The following ASB11 variants were observed in gnomAD, a reference collection of about 807,000 sequenced individuals.
The protein encoded by ASB11 is ankyrin repeat and SOCS box containing 11, also known as ankyrin repeat and SOCS box protein 11.
In ASB11, 17 loss-of-function variants were observed where a neutral mutation model predicts 20.1. The ratio of observed to expected loss-of-function variants is 0.85; its 90% CI spans 0.58 to 1.27. The LOEUF (loss-of-function observed/expected upper bound fraction) is 1.27, where lower values mean the gene tolerates loss of function less well. ASB11 is among the 50% of genes most tolerant of loss of function. The pLI is 0.00. For missense variants in ASB11, 259 were observed against 256.9 expected, an observed-to-expected ratio of 1.01 and a Z score of -0.06; for synonymous variants, 107 against 105.6, an observed-to-expected ratio of 1.01 and a Z score of -0.08.
intron 1 of ASB11, chrX:15,314,401 A>G: frequency 8.4e-7 from 1 of 1,195,531 alleles, no homozygotes. Context: ...ATAATCCCCA[A>G]AAGAAATCTC....
intron 1 of ASB11, among the ~76,000 whole-genome samples, chrX:15,308,497 GA>G (rs1921316583): frequency 8.9e-6 from 1 of 111,840 alleles, no homozygotes. Flanking sequence ...TCCAACTTGA[GA>G]GTGAAATTCC....
At chrX:15,297,549 C>A in intron 3 of ASB11, 25 bp downstream of exon 3, 1 of 1,116,362 alleles carries the variant, frequency 9.0e-7, no homozygotes, top group Non-Finnish European at 1.2e-6. Context: ...CCAGACAGAC[C>A]CAAGTGGGCA....
chrX:15,297,530 T>C (rs1920978385), intron 3 of ASB11, 44 bp downstream of exon 3: 2 of 1,012,038 alleles, frequency 2.0e-6, no homozygotes, highest in Non-Finnish European at 2.7e-6. Context: ...CATTAACAGA[T>C]GCATCTGGCC....
At chrX:15,305,576 T>C (rs1364590977) in intron 1 of ASB11, among the ~76,000 whole-genome samples, 2 of 98,760 alleles carry the variant, frequency 2.0e-5, no homozygotes, top group African/African-American at 7.5e-5. Flanking sequence ...TTTCCAAACA[T>C]TTTAACAAGA....
Position 15,296,543 on chromosome X carries a change from G to A in ASB11, c.369+1031C>T, listed in dbSNP as rs1920966790. Among the ~76,000 whole-genome samples, 3 of 111,656 alleles carry A rather than the reference G, an allele frequency of 2.7e-5. No homozygotes were observed. The Admixed American group carries it at 2.9e-4, about 11-fold the overall frequency. ...ATTTTATGATTCTATTCTGATATCTGTATTATATATTGCACCTCAGTCACC... is the reference window on the plus strand; with the variant it reads ...ATTTTATGATTCTATTCTGATATCTATATTATATATTGCACCTCAGTCACC... On this transcript the variant is annotated intron_variant, in intron 3 of 6. Transcript: ENST00000480796.
chrX:15,315,463 G>A lies in ASB11; in HGVS notation c.143C>T (p.Ala48Val), dbSNP rs755412962. ...ATAGATCTCTTCTGCTATCCTAGCC[G>A]CTTCTTTTCTATTTCCTTTGACGAT... ...FYIVKGNRKE[A>V]ARIAEEIYGG... is the part of the protein sequence containing the mutation. The change falls in exon 1 of 7, where the codon GCG (alanine) becomes GTG (valine). Residue 48 changes from alanine to valine, a missense_variant. Physicochemically the swap from Ala to Val is moderately conservative, Grantham distance 64. Coordinates refer to ENST00000480796, the MANE Select transcript of ASB11 (RefSeq NM_080873.3). The A allele has an allele frequency of 2.6e-6, 3 of 1,149,162 alleles. No homozygotes were observed. The highest frequency in any genetic ancestry group is 2.3e-6 in the Non-Finnish European group (2 of 868,379). 94.7% of individuals were successfully genotyped at this position (1,149,162 alleles called of 1,213,427 possible).
At chrX:15,299,874 C>T (rs188931388) in intron 2 of ASB11, among the ~76,000 whole-genome samples, 17 of 111,626 alleles carry the variant, frequency 1.5e-4, no homozygotes, top group African/African-American at 5.5e-4. Flanking sequence ...GAACCCCGAA[C>T]TCCTACTTAC....
At chrX:15,287,231 C>T (rs754547161) in intron 6 of ASB11, among the ~76,000 whole-genome samples, 11 of 112,918 alleles carry the variant, frequency 9.7e-5, no homozygotes, top group Admixed American at 1.9e-4. Flanking sequence ...CAGATTGTCT[C>T]CCAATATTAC....
intron 6 of ASB11, among the ~76,000 whole-genome samples, chrX:15,284,023 T>G (rs113419621): frequency 9.2e-6 from 1 of 109,076 alleles, no homozygotes; most frequent in Non-Finnish European, 1.9e-5. Context: ...GAGGCCAAGG[T>G]GGGCGGATCA....
intron 6 of ASB11, 46 bp downstream of exon 6, chrX:15,287,835 G>A (rs977151570): frequency 1.4e-5 from 16 of 1,136,581 alleles, no homozygotes; most frequent in Admixed American, 2.6e-5. Context: ...AGGAAGGGGA[G>A]AGAATGTGCT....
At chrX:15,309,563 C>T (rs369472683) in intron 1 of ASB11, among the ~76,000 whole-genome samples, 8 of 110,899 alleles carry the variant, frequency 7.2e-5, no homozygotes, top group African/African-American at 2.6e-4. Context: ...CATCCCCCCA[C>T]ACCCTGGTCC....
intron 6 of ASB11, among the ~76,000 whole-genome samples, chrX:15,286,663 C>CAAAAAAAAAAAAAA (rs764801887): frequency 5.5e-5 from 3 of 54,408 alleles, no homozygotes; most frequent in African/African-American, 2.3e-4. Flanking sequence ...GACTCCATCT[C>CAAAAAAAAAAAAAA]AAAAAAAAAA....
chrX:15,309,836 C>T (rs372476532), intron 1 of ASB11, among the ~76,000 whole-genome samples: 8 of 107,819 alleles, frequency 7.4e-5, no homozygotes, highest in African/African-American at 2.7e-4. Context: ...GGCGTGGTGG[C>T]GGGCGCCTGT....
Position 15,282,359 on chromosome X carries a change from G to C in ASB11, c.*1146C>G, listed in dbSNP as rs1475712029. ...AAGAGAAAGAATAGAGGAAGAGGAG[G>C]GGTGACAGAAGGAGAGAGAAATGAG... On this transcript the variant is annotated 3_prime_UTR_variant, in exon 7 of 7. Coordinates refer to ENST00000480796, the MANE Select transcript of ASB11 (RefSeq NM_080873.3). 1 of 111,204 alleles carries C rather than the reference G, an allele frequency of 9.0e-6. No homozygotes were observed. Among genetic ancestry groups the C allele is most frequent in the African/African-American group, 3.3e-5 (1 of 30,578 alleles). 9.2% of individuals were successfully genotyped at this position (111,204 alleles called of 1,213,427 possible).
rs368639487 is a variant in ASB11, at chrX:15,287,936, C to T, written c.792G>A (p.Ala264=). 15 of 1,210,151 alleles carry T rather than the reference C, an allele frequency of 1.2e-5. No individual in the cohort carries two copies. Among genetic ancestry groups the T allele is most frequent in the South Asian group, 1.8e-5 (1 of 56,765 alleles). ...LKRRNAQGKS[A]LDLAAPKSSV... is the part of the protein sequence containing the mutation. ...TGCTTTTTGGAGCCGCCAGATCAAG[C>T]GCACTTTTGCCCTGAGCATTTCTAC... Residue 264 remains alanine, a synonymous_variant, in exon 6 of 7, where the codon GCG becomes GCA. Coordinates refer to ENST00000480796, the MANE Select transcript of ASB11 (RefSeq NM_080873.3).
intron 2 of ASB11, 55 bp downstream of exon 2, chrX:15,302,673 G>C (rs747503726): frequency 1.8e-6 from 2 of 1,100,867 alleles, no homozygotes; most frequent in South Asian, 1.9e-5. Context: ...AGCTAATAAA[G>C]AATGATGTGT....
intron 2 of ASB11, among the ~76,000 whole-genome samples, chrX:15,298,494 G>A (rs1920989357): frequency 9.0e-6 from 1 of 111,493 alleles, no homozygotes; most frequent in Admixed American, 9.5e-5. Context: ...TCCAAACAAG[G>A]AGGGCATGTC....
At chrX:15,311,945 T>C (rs922895138) in intron 1 of ASB11, among the ~76,000 whole-genome samples, 1 of 112,022 alleles carries the variant, frequency 8.9e-6, no homozygotes, top group African/African-American at 3.2e-5. Context: ...CATTGTATGA[T>C]CTTTCTAACA....
chrX:15,311,116 A>G (rs1025736242), intron 1 of ASB11, among the ~76,000 whole-genome samples: 7 of 113,165 alleles, frequency 6.2e-5, no homozygotes, highest in Admixed American at 5.6e-4. Context: ...ATGGTATTTT[A>G]TGTGAAACAA....
Sources: allele counts gnomAD v4.1 joint callset (sites outside exome capture counted in the v4.1 genomes callset), GRCh38; gene constraint gnomAD v4.1.1; transcripts MANE v1.5; gene names NCBI Gene and HGNC (gene_info 2026-07-23, HGNC 2026-07-21).